CBLB: variants seen among roughly 807,000 people sequenced by gnomAD.
CBLB encodes the protein E3 ubiquitin-protein ligase CBL-B.
CBLB carries 31 observed loss-of-function variants against 104.9 expected under a neutral mutation model. The observed-to-expected ratio is 0.30, with a 90% confidence interval of 0.22 to 0.40. The LOEUF is 0.40. CBLB is among the 10% of genes least tolerant of loss of function. CBLB has a pLI of 1.00. For missense variants in CBLB, 1,062 were observed against 1,214.6 expected (o/e 0.87, Z 1.87); for synonymous variants, 440 against 422.6 (o/e 1.04, Z -0.51).
chr3:105,859,587 G>A (rs560255279), intron 2 of CBLB, among the ~76,000 whole-genome samples: 9 of 149,758 alleles, frequency 6.0e-5, no homozygotes, highest in Admixed American at 1.3e-4. Flanking sequence ...CCCAGGAGAC[G>A]GAGCTTGCAG....
At chr3:105,722,893 G>C (rs1363394990) in intron 9 of CBLB, among the ~76,000 whole-genome samples, 5 of 152,176 alleles carry the variant, frequency 3.3e-5, no homozygotes, top group Non-Finnish European at 1.5e-5. Context: ...AACATTTAAT[G>C]TTATACAAAT....
Position 105,671,980 on chromosome 3 carries a change from G to C in CBLB, c.2570-1628C>G, listed in dbSNP as rs143285501. The C allele has an allele frequency of 6.8e-3, 1,299 of 191,538 alleles. 3 individuals carry two copies. Among genetic ancestry groups the C allele is most frequent in the South Asian group, 0.014 (71 of 5,190 alleles). The allele number at this position is 191,538 out of a possible 1,614,324, so 11.9% of individuals were successfully genotyped here. On this transcript the variant is annotated intron_variant, in intron 17 of 18. Coordinates refer to ENST00000394030, the MANE Select transcript of CBLB (RefSeq NM_170662.5). The stretch of plus-strand genomic sequence containing the variant: ...AGAAACCAAAGGAAACAAATATGGT[G>C]ATTTCAGCATAAATTTTGAAATTTC...
chr3:105,658,856 G>T lies in CBLB; in HGVS notation c.*114C>A. 8.7e-7 allele frequency: 1 copy of T among 1,154,316 alleles called. No individual in the cohort carries two copies. Among genetic ancestry groups the T allele is most frequent in the Non-Finnish European group, 1.3e-6 (1 of 787,540 alleles). 71.5% of individuals were successfully genotyped at this position (1,154,316 alleles called of 1,614,324 possible). A position where few individuals can be genotyped will look rare whatever the true frequency, so the allele number is the denominator to read the frequency against. On this transcript the variant is annotated 3_prime_UTR_variant, in exon 19 of 19. Coordinates refer to ENST00000394030, the MANE Select transcript of CBLB (RefSeq NM_170662.5). ...GCTGCACTCCCAAGCCTCTTCTCAA[G>T]CTGCTACACGAGGAGGAGACACTTC...
At chr3:105,693,751 T>C (rs2068006858) in intron 12 of CBLB, among the ~76,000 whole-genome samples, 163 bp from the exon 13 acceptor site, 2 of 152,052 alleles carry the variant, frequency 1.3e-5, no homozygotes, top group African/African-American at 4.8e-5. Flanking sequence ...CACTGATGAT[T>C]CACCACTGCC....
chr3:105,792,932 A>T (rs2081855316), intron 3 of CBLB, among the ~76,000 whole-genome samples: 1 of 152,166 alleles, frequency 6.6e-6, no homozygotes, highest in Non-Finnish European at 1.5e-5. Context: ...GTAAAGAAAT[A>T]AAAAAGTATT....
At chr3:105,783,106 A>G (rs2080493625) in intron 3 of CBLB, among the ~76,000 whole-genome samples, 1 of 152,202 alleles carries the variant, frequency 6.6e-6, no homozygotes, top group Non-Finnish European at 1.5e-5. Flanking sequence ...TATTCTGATT[A>G]ATTTTTCTAG....
intron 4 of CBLB, among the ~76,000 whole-genome samples, chr3:105,759,409 A>G (rs2077394545): frequency 6.6e-6 from 1 of 152,182 alleles, no homozygotes; most frequent in Non-Finnish European, 1.5e-5. Flanking sequence ...TAGGGCTTCA[A>G]TGGGGACCTG....
At position 105,731,170 on chromosome 3, in the gene CBLB, G is replaced by A. The variant is rs373919590; in HGVS notation, c.1203+2839C>T. Among the ~76,000 whole-genome samples the A allele has an allele frequency of 5.3e-5, 8 of 152,284 alleles. No individual in the cohort carries two copies. The East Asian group carries it at 7.7e-4, about 15-fold the overall frequency. ...ACATGTTGTGGTGATGTAAAATGTT[G>A]TGGTGATTACACAGCATTAGTAATA... is the stretch of plus-strand genomic sequence containing the variant. On this transcript the variant is annotated intron_variant, in intron 9 of 18. Transcript: ENST00000394030.
At chr3:105,660,858 G>A (rs1430686505) in intron 18 of CBLB, among the ~76,000 whole-genome samples, 1 of 151,888 alleles carries the variant, frequency 6.6e-6, no homozygotes, top group African/African-American at 2.4e-5. Context: ...AAGGTAACTT[G>A]TAAAAACATC....
At chr3:105,787,448 C>G (rs2081155392) in intron 3 of CBLB, among the ~76,000 whole-genome samples, 2 of 152,082 alleles carry the variant, frequency 1.3e-5, no homozygotes, top group African/African-American at 4.8e-5. Context: ...TTCTATAAAA[C>G]CAGGGGGTTG....
At chr3:105,834,182 T>C (rs1008944350) in intron 3 of CBLB, among the ~76,000 whole-genome samples, 1 of 113,696 alleles carries the variant, frequency 8.8e-6, no homozygotes, top group Non-Finnish European at 2.0e-5. Context: ...AGGTTAACAA[T>C]GTACTGTATA....
intron 17 of CBLB, chr3:105,673,351 G>A (rs1406332167): frequency 6.6e-6 from 1 of 152,184 alleles, no homozygotes; most frequent in Non-Finnish European, 1.5e-5. Context: ...TTACAGGCAT[G>A]AGCCTGTACC....
At chr3:105,780,080 T>C (rs1290753150) in intron 3 of CBLB, among the ~76,000 whole-genome samples, 7 of 152,010 alleles carry the variant, frequency 4.6e-5, no homozygotes, top group African/African-American at 1.5e-4. Flanking sequence ...CTCAAACTCC[T>C]GACCTCAGGT....
At chr3:105,848,375 T>C (rs1320314619) in intron 3 of CBLB, among the ~76,000 whole-genome samples, 1 of 152,054 alleles carries the variant, frequency 6.6e-6, no homozygotes, top group Non-Finnish European at 1.5e-5. Context: ...TATGTGACTA[T>C]AATTTCTACC....
At chr3:105,867,616 GAA>G (rs999751005) in intron 1 of CBLB, 25 bp from the exon 2 acceptor site, 4 of 1,606,858 alleles carry the variant, frequency 2.5e-6, no homozygotes, top group Non-Finnish European at 3.4e-6. Context: ...TTTAAAAAAA[GAA>G]AAGTTAGTTG....
In CBLB at chr3:105,732,728, C is replaced by G. The variant is rs984270889; in HGVS notation, c.1203+1281G>C. Among the ~76,000 whole-genome samples the G allele has an allele frequency of 2.0e-5, 3 of 152,038 alleles. No individual in the cohort carries two copies. The East Asian group carries it at 5.8e-4, about 29-fold the overall frequency. On this transcript the variant is annotated intron_variant, in intron 9 of 18. Coordinates refer to ENST00000394030, the MANE Select transcript of CBLB (RefSeq NM_170662.5). ...GTAAGGAGCTCGGCAGGCATCAATGCCCCTCTGAGTCTGTCAGCCCCCTTC... is the reference window on the plus strand; with the variant it reads ...GTAAGGAGCTCGGCAGGCATCAATGGCCCTCTGAGTCTGTCAGCCCCCTTC...
chr3:105,868,733 T>C lies in CBLB; in HGVS notation c.-15+3A>G. On this transcript the variant is annotated splice_donor_region_variant and intron_variant, in intron 1 of 18. Coordinates refer to ENST00000394030, the MANE Select transcript of CBLB (RefSeq NM_170662.5). ...CCTCCCCGGCGACCCCTTCCCTTCT[T>C]GCCTTTCGGCGCCGTAGCTGTCCAG... 4.0e-6 allele frequency: 4 copies of C among 991,110 alleles called. No homozygotes were observed. Among genetic ancestry groups the C allele is most frequent in the Non-Finnish European group, 3.6e-6 (3 of 833,220 alleles). 61.4% of individuals were successfully genotyped at this position (991,110 alleles called of 1,614,324 possible).
At chr3:105,735,671 C>T (rs1372079500) in intron 8 of CBLB, among the ~76,000 whole-genome samples, 4 of 152,162 alleles carry the variant, frequency 2.6e-5, no homozygotes, top group Non-Finnish European at 5.9e-5. Flanking sequence ...GCAATCATGG[C>T]CGGGCATGGT....
intron 3 of CBLB, among the ~76,000 whole-genome samples, chr3:105,818,616 G>T (rs1315794450): frequency 6.6e-6 from 1 of 152,074 alleles, no homozygotes; most frequent in Non-Finnish European, 1.5e-5. Context: ...ACTTTTTATA[G>T]TAAGTATATT....
Sources: gnomAD v4.1 joint callset for allele counts (sites outside exome capture counted in the v4.1 genomes callset) on GRCh38, gnomAD v4.1.1 for gene constraint, MANE v1.5 for transcripts, NCBI Gene and HGNC (gene_info 2026-07-23, HGNC 2026-07-21) for gene names.